CDYL: variants seen among roughly 807,000 people sequenced by gnomAD.
CDYL encodes the protein chromodomain Y like, also known as chromodomain Y-like protein.
A neutral mutation model predicts 47.3 loss-of-function variants in CDYL; 8 were observed. That is an observed-to-expected ratio of 0.17 (90% CI 0.10 to 0.31). The LOEUF is 0.31. CDYL is among the 10% of genes least tolerant of loss of function. CDYL has a pLI of 1.00. For synonymous variants in CDYL, 266 were observed against 265.0 expected, an observed-to-expected ratio of 1.00 and a Z score of -0.04; for missense variants, 471 against 701.4, an observed-to-expected ratio of 0.67 and a Z score of 3.71.
At chr6:4,780,178 G>A (rs1275470215) in intron 1 of CDYL, among the ~76,000 whole-genome samples, 2 of 151,818 alleles carry the variant, frequency 1.3e-5, no homozygotes, top group Non-Finnish European at 2.9e-5. Context: ...TAGACTTAGA[G>A]CTGGAAGATC....
At chr6:4,733,118 T>C (rs1757639397) in intron 2 of CDYL, 1 of 152,270 alleles carries the variant, frequency 6.6e-6, no homozygotes, top group South Asian at 2.1e-4. Flanking sequence ...AGTGTCTCCC[T>C]CCCGGTGACT....
At chr6:4,924,625 C>A (rs1330031779) in intron 2 of CDYL, among the ~76,000 whole-genome samples, 2 of 152,134 alleles carry the variant, frequency 1.3e-5, no homozygotes, top group South Asian at 4.1e-4. Context: ...TGAAGCATAT[C>A]ATTAAGTTGG....
chr6:4,864,629 A>G (rs941006532), intron 1 of CDYL, among the ~76,000 whole-genome samples: 1 of 152,034 alleles, frequency 6.6e-6, no homozygotes, highest in Non-Finnish European at 1.5e-5. Flanking sequence ...GGTTTTTCTC[A>G]TGCTGTGTTG....
intron 1 of CDYL, among the ~76,000 whole-genome samples, chr6:4,874,769 A>G (rs918566231): frequency 6.6e-5 from 10 of 152,170 alleles, no homozygotes; most frequent in Non-Finnish European, 1.5e-4. Flanking sequence ...CCCTTTCCAC[A>G]GGTGGGTTTG....
chr6:4,937,838 A>G, intron 4 of CDYL, 101 bp downstream of exon 4: 1 of 846,250 alleles, frequency 1.2e-6, no homozygotes, highest in East Asian at 2.7e-5. Flanking sequence ...AATAAGATAC[A>G]CATCTTCTCC....
rs199966518 is a variant in CDYL, at chr6:4,935,784, C to G, written c.948+13C>G. On this transcript the variant is annotated intron_variant, in intron 3 of 6. Transcript: ENST00000397588. ...ACTAAATCCAGAGGTGAGAGGCGCT[C>G]TTGGGCTGGCGTGGGCTTCGCGCTT... 200 of 1,612,492 alleles carry G rather than the reference C, an allele frequency of 1.2e-4. No individual in the cohort carries two copies. Among genetic ancestry groups the G allele is most frequent in the Non-Finnish European group, 1.6e-4 (190 of 1,178,654 alleles).
intron 1 of CDYL, among the ~76,000 whole-genome samples, chr6:4,860,470 C>T (rs1188011501): frequency 6.7e-6 from 1 of 148,998 alleles, no homozygotes; most frequent in Non-Finnish European, 1.5e-5. Context: ...TATTAGGGTT[C>T]TCTTAGAGGG....
intron 2 of CDYL, chr6:4,724,642 A>G (rs9392628): frequency 0.13 from 19,298 of 152,228 alleles, 1,480 homozygotes; most frequent in African/African-American, 0.23. Context: ...GCTGGCTTCA[A>G]AAGTGAAGCT....
intron 3 of CDYL, among the ~76,000 whole-genome samples, chr6:4,757,674 TGAAAA>T (rs1457212715): frequency 6.6e-5 from 10 of 152,332 alleles, no homozygotes; most frequent in East Asian, 1.9e-4. Flanking sequence ...TTTCTACAAA[TGAAAA>T]GAAAACTCTA....
At chr6:4,826,472 T>C (rs1759984753) in intron 1 of CDYL, among the ~76,000 whole-genome samples, 1 of 152,196 alleles carries the variant, frequency 6.6e-6, no homozygotes, top group Admixed American at 6.5e-5. Flanking sequence ...TTTTTCTTTT[T>C]TAATGTAACC....
rs367743195 is a variant in CDYL at position 4,909,631 on chromosome 6, A to G, written c.691+17252A>G. On this transcript the variant is annotated intron_variant, in intron 2 of 6. Transcript: ENST00000397588. ...GTTGCCCAAGCTGGAGTGCAGTAGC[A>G]CCATCTCAGCTTGCTACAAGCTCCG... Among the ~76,000 whole-genome samples, 471 of 152,028 alleles carry G rather than the reference A, an allele frequency of 3.1e-3. 1 individual carries two copies. The highest frequency in any genetic ancestry group is 0.011 in the African/African-American group (457 of 41,436).
chr6:4,836,805 A>T (rs970305609), intron 1 of CDYL, among the ~76,000 whole-genome samples: 4 of 152,188 alleles, frequency 2.6e-5, no homozygotes, highest in African/African-American at 9.6e-5. Flanking sequence ...CAGTGAGTAC[A>T]TTTCTGATTC....
intron 2 of CDYL, among the ~76,000 whole-genome samples, chr6:4,895,198 CAT>C (rs1491520615): frequency 8.2e-6 from 1 of 121,672 alleles, no homozygotes; most frequent in African/African-American, 4.3e-5. Flanking sequence ...TATATGTATA[CAT>C]GAGTATATAT....
chr6:4,754,745 G>GATTACT (rs1758049933), intron 3 of CDYL, among the ~76,000 whole-genome samples: 1 of 152,030 alleles, frequency 6.6e-6, no homozygotes, highest in African/African-American at 2.4e-5. Context: ...ATTAATATTT[G>GATTACT]ATTACTATAA....
chr6:4,735,008 C>T (rs536112524), intron 3 of CDYL, among the ~76,000 whole-genome samples: 30 of 152,040 alleles, frequency 2.0e-4, no homozygotes, highest in Non-Finnish European at 4.3e-4. Flanking sequence ...TGTTTTTGGC[C>T]GGGCACAGTG....
rs745417686 is a variant in CDYL, at chr6:4,776,735, G to C, written c.-49G>C. ...AACAAAGTGTCGGCCGCCCGGCGCC[G>C]GCGCCCGCCCCGACCCTGCCCCTCC... On this transcript the variant is annotated 5_prime_UTR_variant, in exon 1 of 7. Coordinates refer to ENST00000397588, the MANE Select transcript of CDYL (RefSeq NM_004824.4). The C allele has an allele frequency of 2.5e-4, 319 of 1,255,742 alleles. No individual in the cohort carries two copies. In the African/African-American group the frequency reaches 4.2e-3, roughly 17 times the overall value. 77.8% of individuals were successfully genotyped at this position (1,255,742 alleles called of 1,614,324 possible). A position where few individuals can be genotyped will look rare whatever the true frequency, so the allele number is the denominator to read the frequency against.
intron 1 of CDYL, among the ~76,000 whole-genome samples, chr6:4,846,297 G>T (rs1441898051): frequency 6.6e-6 from 1 of 152,020 alleles, no homozygotes; most frequent in Non-Finnish European, 1.5e-5. Context: ...GGAGACATGT[G>T]CAAATTACTA....
At chr6:4,772,882 C>CT (rs1352272055), upstream of CDYL, 31 of 337,648 alleles carry the variant, frequency 9.2e-5, no homozygotes, top group African/African-American at 6.0e-4. Context: ...ATTTTGGCTT[C>CT]TTTTGTTTTT....
chr6:4,734,680 GGGATGGGGATGGAGGGA>G, intron 2 of CDYL: 1 of 1,575,254 alleles, frequency 6.3e-7, no homozygotes, highest in Non-Finnish European at 8.6e-7. Context: ...GGGAAGTTGG[GGGATGGGGATGGAGGGA>G]AGATGGGGAT....
Sources: gnomAD v4.1 joint callset for allele counts (sites outside exome capture counted in the v4.1 genomes callset) on GRCh38, gnomAD v4.1.1 for gene constraint, MANE v1.5 for transcripts, NCBI Gene and HGNC (gene_info 2026-07-23, HGNC 2026-07-21) for gene names.